Variants in RPS10 observed in about 807,000 individuals in gnomAD.
RPS10 encodes the protein ribosomal protein S10.
A neutral mutation model predicts 22.6 loss-of-function variants in RPS10; 2 were observed. The ratio of observed to expected loss-of-function variants is 0.09; its 90% CI spans 0.04 to 0.28. The LOEUF (loss-of-function observed/expected upper bound fraction) is 0.28, where lower values mean the gene tolerates loss of function less well. Among genes scored for constraint, RPS10 ranks in the 10% least tolerant of loss-of-function variants. The pLI, the probability that RPS10 is intolerant of heterozygous loss-of-function variation, is 1.00. For missense variants in RPS10, 137 were observed against 222.2 expected, an observed-to-expected ratio of 0.62 and a Z score of 2.44; for synonymous variants, 70 against 75.9, an observed-to-expected ratio of 0.92 and a Z score of 0.40.
At chr6:34,420,049 A>C (rs1227177398) in intron 4 of RPS10, among the ~76,000 whole-genome samples, 1 of 152,098 alleles carries the variant, frequency 6.6e-6, no homozygotes, top group Non-Finnish European at 1.5e-5. Context: ...TTCCCAACTC[A>C]CTTTTACAAA....
chr6:34,424,140 T>TAAAAAAAA (rs71538239), intron 3 of RPS10: 494 of 49,136 alleles, frequency 0.01, 133 homozygotes, highest in African/African-American at 0.032. Context: ...AAGACTCCGT[T>TAAAAAAAA]AAAAAAAAAA....
At chr6:34,424,372 A>G in intron 3 of RPS10, 1 of 410,036 alleles carries the variant, frequency 2.4e-6, no homozygotes. Flanking sequence ...GGAATAGTAC[A>G]ACGCACTCTG....
Position 34,421,805 on chromosome 6 carries a change from G to T in RPS10, c.325C>A (p.Leu109Met). ...AGTCTCGCAGGTCGCTCACCCTCCA[G>T]ACCTATGTAAATCAAACCACACTGT... ...PETGRPRPKG[L>M]EGERPARLTR... Residue 109 changes from leucine to methionine, a missense_variant and splice_region_variant, in exon 4 of 6, where the codon CTG (leucine) becomes ATG (methionine). By Grantham distance (15) the Leu-to-Met change is conservative. Transcript: ENST00000648437. 6.2e-7 allele frequency: 1 copy of T among 1,613,870 alleles called. No homozygotes were observed.
intron 4 of RPS10, among the ~76,000 whole-genome samples, chr6:34,420,310 G>C (rs113296368): frequency 9.5e-4 from 145 of 152,186 alleles, no homozygotes; most frequent in African/African-American, 3.0e-3. Flanking sequence ...CCGCCTCCCA[G>C]GTTCAAGCAA....
At chr6:34,425,507 G>C (rs1018639460) in intron 1 of RPS10, 2 of 403,180 alleles carry the variant, frequency 5.0e-6, no homozygotes, top group African/African-American at 4.1e-5. Context: ...GGGGGGGAGA[G>C]GAGCAAACCC....
chr6:34,420,791 G>C (rs1765734673), intron 4 of RPS10, among the ~76,000 whole-genome samples: 1 of 151,872 alleles, frequency 6.6e-6, no homozygotes, highest in East Asian at 2.0e-4. Context: ...CGGATCATGA[G>C]GTCAGGATAT....
In RPS10 at chr6:34,426,054, A is replaced by T. The variant is rs1020102005; in HGVS notation, c.-23T>A. On this transcript the variant is annotated 5_prime_UTR_variant, in exon 1 of 6. Transcript: ENST00000648437. ...CACCTCTGCGGCTGCAGGGTCCGGTACCGGGGCTGGAAAGGAAGGAGCATG... is the reference window on the plus strand; with the variant it reads ...CACCTCTGCGGCTGCAGGGTCCGGTTCCGGGGCTGGAAAGGAAGGAGCATG... 1.3e-5 allele frequency: 2 copies of T among 152,502 alleles called. No homozygotes were observed. The highest frequency in any genetic ancestry group is 2.4e-5 in the African/African-American group (1 of 41,580). The allele number at this position is 152,502 out of a possible 1,614,324, so 9.4% of individuals were successfully genotyped here. A position where few individuals can be genotyped will look rare whatever the true frequency, so the allele number is the denominator to read the frequency against.
chr6:34,424,140 T>TAAAAAAAAAAAAAAAAAAAAAAAA lies in RPS10; in HGVS notation c.322+505_322+528dup, dbSNP rs71538239. The TAAAAAAAAAAAAAAAAAAAAAAAA allele has an allele frequency of 1.2e-4, 6 of 49,114 alleles. 2 individuals are homozygous for TAAAAAAAAAAAAAAAAAAAAAAAA. The highest frequency in any genetic ancestry group is 6.3e-4 in the African/African-American group (6 of 9,470). 3.0% of individuals were successfully genotyped at this position (49,114 alleles called of 1,614,324 possible). On this transcript the variant is annotated intron_variant, in intron 3 of 5. Transcript: ENST00000648437. ...GCTGGGCAACAGAGCAAGACTCCGT[T>TAAAAAAAAAAAAAAAAAAAAAAAA]AAAAAAAAAAAAAAAAAAAAAAAAG...
At chr6:34,420,975 TCCAGCC>T (rs1554163671) in intron 4 of RPS10, among the ~76,000 whole-genome samples, 3 of 149,048 alleles carry the variant, frequency 2.0e-5, no homozygotes, top group Non-Finnish European at 4.4e-5. Flanking sequence ...GCCACTGCAC[TCCAGCC>T]TGGGTGACAG....
chr6:34,425,030 C>T (rs372958960), intron 2 of RPS10, 42 bp downstream of exon 2: 15 of 1,611,236 alleles, frequency 9.3e-6, no homozygotes, highest in Middle Eastern at 2.2e-4. Context: ...GATGGGATCC[C>T]GGGGAGGAAG....
chr6:34,424,867 G>C (rs749811439), intron 2 of RPS10, 27 bp from the exon 3 acceptor site: 1 of 1,613,518 alleles, frequency 6.2e-7, no homozygotes, highest in Non-Finnish European at 8.5e-7. Context: ...TACTGTTAAG[G>C]CGTTAAGTAG....
intron 5 of RPS10, chr6:34,418,022 C>A: frequency 2.8e-6 from 2 of 712,764 alleles, no homozygotes; most frequent in African/African-American, 1.8e-5. Context: ...GGGAACCTAC[C>A]TAACATTACA....
At chr6:34,424,912 A>T (rs531568681) in intron 2 of RPS10, 72 bp from the exon 3 acceptor site, 1 of 1,610,552 alleles carries the variant, frequency 6.2e-7, no homozygotes, top group South Asian at 1.1e-5. Flanking sequence ...CTCCAGTCCC[A>T]GCCAGCCCTT....
chr6:34,421,762 T>C lies in RPS10; in HGVS notation c.368A>G (p.Asp123Gly). ...AGCACTCCGTCTGTAGGTATCTCTG[T>C]CAGCTTCCCCTCTTGTGAGTCTCGC... ...RPARLTRGEA[D>G]RDTYRRSAVP... Residue 123 changes from aspartate (D) to glycine (G), a missense_variant, in exon 4 of 6, where the codon GAC becomes GGC. Coordinates refer to ENST00000648437, the MANE Select transcript of RPS10 (RefSeq NM_001014.5). 1 of 1,613,974 alleles carries C rather than the reference T, an allele frequency of 6.2e-7. No individual in the cohort carries two copies. The highest frequency in any genetic ancestry group is 8.5e-7 in the Non-Finnish European group (1 of 1,179,862).
intron 3 of RPS10, among the ~76,000 whole-genome samples, chr6:34,423,455 A>C (rs1248665798): frequency 6.6e-6 from 1 of 152,194 alleles, no homozygotes; most frequent in African/African-American, 2.4e-5. Context: ...TTTAGAGCAG[A>C]AATAAATTAA....
At chr6:34,425,646 A>C (rs1372023349) in intron 1 of RPS10, 1 of 268,786 alleles carries the variant, frequency 3.7e-6, no homozygotes, top group Non-Finnish European at 7.5e-6. Context: ...GGCAGACCCC[A>C]AACCAAAGGG....
intron 3 of RPS10, among the ~76,000 whole-genome samples, chr6:34,422,974 A>G (rs1049126370): frequency 2.6e-5 from 4 of 151,970 alleles, no homozygotes; most frequent in Non-Finnish European, 5.9e-5. Flanking sequence ...CCAGCTACCA[A>G]GAAGCTGAGG....
At chr6:34,418,452 C>T (rs1043589926) in intron 4 of RPS10, 28 bp from the exon 5 acceptor site, 1 of 1,614,154 alleles carries the variant, frequency 6.2e-7, no homozygotes, top group African/African-American at 1.3e-5. Context: ...GATTTAGAAT[C>T]ATCATATGAT....
chr6:34,422,245 G>A (rs1329012382), intron 3 of RPS10, among the ~76,000 whole-genome samples: 1 of 152,166 alleles, frequency 6.6e-6, no homozygotes, highest in South Asian at 2.1e-4. Flanking sequence ...ACCAAGAATC[G>A]TTGAGTTCCT....
Sources: gnomAD v4.1 joint callset for allele counts (sites outside exome capture counted in the v4.1 genomes callset) on GRCh38, gnomAD v4.1.1 for gene constraint, MANE v1.5 for transcripts, NCBI Gene and HGNC (gene_info 2026-07-23, HGNC 2026-07-21) for gene names.